The following RYR2 variants were observed in gnomAD, a reference collection of about 807,000 sequenced individuals.
RYR2 encodes ryanodine receptor 2, also known as cardiac muscle ryanodine receptor-calcium release channel.
In RYR2, 227 loss-of-function variants were observed where a neutral mutation model predicts 601.1. The observed-to-expected ratio is 0.38, with a 90% CI of 0.34 to 0.42. RYR2 has a LOEUF of 0.42. Ranked by LOEUF, RYR2 falls within the 10% of genes least tolerant of loss-of-function variation. RYR2 has a pLI of 1.00. For missense variants in RYR2, 4,646 were observed against 6,156.5 expected (o/e 0.75, Z 8.21); for synonymous variants, 2,223 against 2,175.1 (o/e 1.02, Z -0.61).
chr1:237,453,654 TA>T (rs1170716238), intron 14 of RYR2, among the ~76,000 whole-genome samples: 2 of 152,266 alleles, frequency 1.3e-5, no homozygotes, highest in South Asian at 2.1e-4. Flanking sequence ...TGCATTGTTT[TA>T]AAAAATATTT....
chr1:237,300,180 T>G (rs572356636), intron 2 of RYR2, among the ~76,000 whole-genome samples: 5 of 152,128 alleles, frequency 3.3e-5, no homozygotes, highest in Admixed American at 6.5e-5. Context: ...AAGACTGACT[T>G]AGTATTATTG....
chr1:237,270,883 G>A (rs1430884414), intron 2 of RYR2, among the ~76,000 whole-genome samples: 1 of 152,130 alleles, frequency 6.6e-6, no homozygotes. Context: ...GTAAATCAGT[G>A]ATATAATTTG....
At chr1:237,117,655 CCTCTT>C (rs1196641526) in intron 1 of RYR2, among the ~76,000 whole-genome samples, 8 of 132,392 alleles carry the variant, frequency 6.0e-5, no homozygotes, top group South Asian at 2.5e-4. Context: ...TCTCTTTTCT[CCTCTT>C]CTCTTCTCTT....
At chr1:237,058,405 T>C (rs1662432868) in intron 1 of RYR2, among the ~76,000 whole-genome samples, 1 of 152,222 alleles carries the variant, frequency 6.6e-6, no homozygotes, top group Admixed American at 6.5e-5. Context: ...CACTATGCTG[T>C]ACATATAATT....
chr1:237,679,884 T>C (rs1685714998), intron 61 of RYR2, among the ~76,000 whole-genome samples: 1 of 151,882 alleles, frequency 6.6e-6, no homozygotes, highest in East Asian at 1.9e-4. Flanking sequence ...GTGATGTGAG[T>C]GGACAGAGTG....
intron 1 of RYR2, among the ~76,000 whole-genome samples, chr1:237,113,695 T>A (rs1669750178): frequency 6.6e-6 from 1 of 152,032 alleles, no homozygotes; most frequent in African/African-American, 2.4e-5. Context: ...AGTACACTTG[T>A]GAGAAAAGAG....
intron 27 of RYR2, among the ~76,000 whole-genome samples, chr1:237,556,862 T>C (rs1183093554): frequency 4.4e-5 from 5 of 113,414 alleles, no homozygotes; most frequent in African/African-American, 1.8e-4. Flanking sequence ...TACAGCAAAC[T>C]ACCCCTTTCC....
rs535083779 is a variant in RYR2, at chr1:237,313,657, T to A, written c.169-17221T>A. Among the ~76,000 whole-genome samples the A allele has an allele frequency of 3.9e-5, 6 of 152,260 alleles. No individual in the cohort carries two copies. In the South Asian group the frequency reaches 1.2e-3, roughly 32 times the overall value. On this transcript the variant is annotated intron_variant, in intron 2 of 104. Transcript: ENST00000366574. ...TGTCTAGAACTGTTAGAGAAAAAAA[T>A]TATGTTGTTTTAAGCCACTGTTCAT...
intron 62 of RYR2, among the ~76,000 whole-genome samples, chr1:237,680,982 A>G (rs1432841387): frequency 6.6e-6 from 1 of 152,222 alleles, no homozygotes; most frequent in Non-Finnish European, 1.5e-5. Context: ...AATTTAATTT[A>G]AAAATAATGA....
At chr1:237,480,783 G>A (rs561062702) in intron 17 of RYR2, among the ~76,000 whole-genome samples, 4 of 152,166 alleles carry the variant, frequency 2.6e-5, no homozygotes, top group African/African-American at 4.8e-5. Context: ...ATTTTTGTTT[G>A]TCTGTTTTGC....
At chr1:237,585,059 T>C (rs981113586) in intron 29 of RYR2, among the ~76,000 whole-genome samples, 14 of 152,108 alleles carry the variant, frequency 9.2e-5, no homozygotes, top group Admixed American at 1.3e-4. Flanking sequence ...TAAACTTTTA[T>C]TGGAACACCA....
chr1:237,421,238 CAAAATA>C (rs1469090206), intron 11 of RYR2, among the ~76,000 whole-genome samples: 3 of 152,050 alleles, frequency 2.0e-5, no homozygotes, highest in African/African-American at 7.2e-5. Flanking sequence ...GACTCCGTCT[CAAAATA>C]AAAATAATAG....
chr1:237,227,954 T>A (rs1375207265), intron 1 of RYR2, among the ~76,000 whole-genome samples: 2 of 143,608 alleles, frequency 1.4e-5, no homozygotes, highest in African/African-American at 5.1e-5. Context: ...AGAACTTAAC[T>A]CTTGTTTTTG....
intron 1 of RYR2, among the ~76,000 whole-genome samples, chr1:237,215,172 T>C (rs1683024285): frequency 1.3e-5 from 2 of 152,244 alleles, no homozygotes; most frequent in Admixed American, 6.5e-5. Flanking sequence ...ATTTGTTTTT[T>C]TCCCAGAATC....
At position 237,625,674 on chromosome 1, in the gene RYR2, T is replaced by A; in HGVS notation, c.6036T>A (p.Asp2012Glu). Reference sequence around the variant, plus strand: ...TTTTTATACTAGGAATTGAGCTGGATGAAGATGGGTCTCTGGATGGAAACA... The same window carrying A: ...TTTTTATACTAGGAATTGAGCTGGAAGAAGATGGGTCTCTGGATGGAAACA... ...DLMTHCGIELDEDGSLDGNSD... is the reference protein window; with the variant it reads ...DLMTHCGIELEEDGSLDGNSD... Residue 2012 changes from aspartate to glutamate, a missense_variant, in exon 40 of 105, where the codon GAT becomes GAA. Asp to Glu is a conservative substitution (Grantham distance 45). Around this residue, in one of 17 missense-constraint regions of RYR2, gnomAD observed 170 missense variants for 184.5 expected, o/e 0.92. Transcript: ENST00000366574. The A allele has an allele frequency of 6.2e-7, 1 of 1,613,638 alleles. No individual in the cohort carries two copies. The highest frequency in any genetic ancestry group is 1.1e-5 in the South Asian group (1 of 91,050).
intron 103 of RYR2, 102 bp from the exon 104 acceptor site, chr1:237,831,412 C>A (rs1449216796): frequency 6.0e-6 from 4 of 667,780 alleles, no homozygotes; most frequent in Non-Finnish European, 1.0e-5. Flanking sequence ...TTTCTCTGTG[C>A]TGGCCATAAT....
intron 1 of RYR2, among the ~76,000 whole-genome samples, chr1:237,058,077 G>A (rs1254841103): frequency 6.6e-6 from 1 of 152,172 alleles, no homozygotes; most frequent in Non-Finnish European, 1.5e-5. Flanking sequence ...GTCTCATTAA[G>A]ACAAATGGGA....
At chr1:237,682,526 G>T (rs577274704) in intron 62 of RYR2, among the ~76,000 whole-genome samples, 45 of 152,186 alleles carry the variant, frequency 3.0e-4, no homozygotes, top group South Asian at 6.2e-4. Context: ...TTTTGTTACA[G>T]TTGCCTACAG....
intron 71 of RYR2, among the ~76,000 whole-genome samples, chr1:237,715,391 C>T (rs1689190339): frequency 6.6e-6 from 1 of 152,180 alleles, no homozygotes; most frequent in Non-Finnish European, 1.5e-5. Flanking sequence ...TGAACAGTGA[C>T]ATCACCCATA....
Sources: allele counts gnomAD v4.1 joint callset (sites outside exome capture counted in the v4.1 genomes callset), GRCh38; gene constraint gnomAD v4.1.1; regional missense constraint gnomAD v4.1.1; transcripts MANE v1.5; gene names NCBI Gene and HGNC (gene_info 2026-07-23, HGNC 2026-07-21).